The following PCDHA2 variants were observed in gnomAD, a reference collection of about 807,000 sequenced individuals.
PCDHA2 encodes the protein protocadherin alpha 2.
PCDHA2 carries 58 observed loss-of-function variants against 66.0 expected under a neutral mutation model. The ratio of observed to expected loss-of-function variants is 0.88; its 90% CI spans 0.71 to 1.09. The LOEUF is 1.09. Ranked by LOEUF, PCDHA2 falls within the 50% of genes least tolerant of loss-of-function variation. The pLI is 0.00. For synonymous variants in PCDHA2, 634 were observed against 554.0 expected (o/e 1.14, Z -2.03); for missense variants, 1,267 against 1,242.3 (o/e 1.02, Z -0.30).
chr5:140,836,843 ATAAT>A, intron 1 of PCDHA2: 1 of 826,772 alleles, frequency 1.2e-6, no homozygotes, highest in Non-Finnish European at 1.8e-6. Context: ...AGCTTTATGT[ATAAT>A]TATTATTTTT....
Position 140,840,718 on chromosome 5 carries a change from A to G in PCDHA2, c.2388+43366A>G, listed in dbSNP as rs2150309137. Among the ~76,000 whole-genome samples, 16 of 152,124 alleles carry G rather than the reference A, an allele frequency of 1.1e-4. 1 individual carries two copies. The South Asian group carries it at 3.3e-3, about 32-fold the overall frequency. On this transcript the variant is annotated intron_variant, in intron 1 of 3. Transcript: ENST00000526136. ...GTTCAGGCAATTTGACATTTATTGA[A>G]TAAAGAAAAGCAAAAATTTAACAAT...
chr5:140,953,601 C>T (rs1448878513), intron 1 of PCDHA2, among the ~76,000 whole-genome samples: 3 of 152,014 alleles, frequency 2.0e-5, no homozygotes, highest in Non-Finnish European at 4.4e-5. Flanking sequence ...TTGTTTATTC[C>T]CCAGAGTCCT....
chr5:140,913,384 C>G (rs1018271300), intron 1 of PCDHA2, among the ~76,000 whole-genome samples: 1 of 152,144 alleles, frequency 6.6e-6, no homozygotes, highest in Non-Finnish European at 1.5e-5. Flanking sequence ...AGTGGCTCAT[C>G]ATAGCCACTA....
In PCDHA2 at chr5:140,795,178, G is replaced by T. The variant is rs200571163; in HGVS notation, c.214G>T (p.Gly72Trp). Residue 72 changes from glycine to tryptophan, a missense_variant, in exon 1 of 4, where the codon GGG (glycine) becomes TGG (tryptophan). Transcript: ENST00000526136. ...RLFRVASKRHGDLLEVNLQNG... is the reference protein window; with the variant it reads ...RLFRVASKRHWDLLEVNLQNG... ...GTTCCGGGTGGCGTCCAAAAGACAC[G>T]GGGACCTTCTGGAGGTAAATCTGCA... The T allele has an allele frequency of 6.2e-7, 1 of 1,613,966 alleles. No individual in the cohort carries two copies.
rs549114768 is a variant in PCDHA2 at position 140,796,198 on chromosome 5, G to C, written c.1234G>C (p.Ala412Pro). ...KNYYSLVLDS[A>P]LDRESVSAYE... ...TTACTACTCGTTGGTGCTGGACAGCGCCCTGGACCGCGAGAGCGTGTCAGC... is the reference window on the plus strand; with the variant it reads ...TTACTACTCGTTGGTGCTGGACAGCCCCCTGGACCGCGAGAGCGTGTCAGC... The change falls in exon 1 of 4, where the codon GCC (alanine) becomes CCC (proline). Residue 412 changes from alanine to proline, a missense_variant. Physicochemically the swap from Ala to Pro is conservative, Grantham distance 27. Coordinates refer to ENST00000526136, the MANE Select transcript of PCDHA2 (RefSeq NM_018905.3). 1 of 1,614,184 alleles carries C rather than the reference G, an allele frequency of 6.2e-7. No homozygotes were observed. Among genetic ancestry groups the C allele is most frequent in the Admixed American group, 1.7e-5 (1 of 60,034 alleles).
At chr5:140,857,947 G>C in intron 1 of PCDHA2, 1 of 1,597,414 alleles carries the variant, frequency 6.3e-7, no homozygotes, top group Non-Finnish European at 8.6e-7. Flanking sequence ...TCAGTACGAC[G>C]CGCGCTCTGG....
At chr5:140,855,863 C>A in intron 1 of PCDHA2, 2 of 763,578 alleles carry the variant, frequency 2.6e-6, no homozygotes, top group Non-Finnish European at 4.1e-6. Flanking sequence ...ATGTCGCTGT[C>A]GTCCACAAAA....
chr5:140,933,372 C>T (rs1332069734), intron 1 of PCDHA2, among the ~76,000 whole-genome samples: 2 of 151,918 alleles, frequency 1.3e-5, no homozygotes, highest in African/African-American at 2.4e-5. Flanking sequence ...TCCCAAATTC[C>T]TTGGCTGTTC....
At chr5:140,966,654 T>G (rs1048894569) in intron 1 of PCDHA2, 2 of 1,185,100 alleles carry the variant, frequency 1.7e-6, no homozygotes, top group Non-Finnish European at 2.2e-6. Flanking sequence ...GCGTGAGCGG[T>G]GGGGGAGCAG....
intron 1 of PCDHA2, among the ~76,000 whole-genome samples, chr5:140,963,054 T>G (rs1554226381): frequency 6.6e-6 from 1 of 152,174 alleles, no homozygotes; most frequent in Non-Finnish European, 1.5e-5. Flanking sequence ...TATAAGGGTT[T>G]CTACATTGTG....
At chr5:140,860,741 A>ATT (rs1466220052) in intron 1 of PCDHA2, 6 of 152,018 alleles carry the variant, frequency 3.9e-5, no homozygotes, top group African/African-American at 1.4e-4. Context: ...TTTGTTTTTT[A>ATT]TTTTTTATTT....
intron 1 of PCDHA2, chr5:140,802,326 C>T: frequency 6.2e-7 from 1 of 1,614,230 alleles, no homozygotes; most frequent in Non-Finnish European, 8.5e-7. Context: ...CGTGTCCGAC[C>T]GCGACTCAGG....
chr5:140,883,377 C>T lies in PCDHA2; in HGVS notation c.2388+86025C>T, dbSNP rs1436655611. On this transcript the variant is annotated intron_variant, in intron 1 of 3. Coordinates refer to ENST00000526136, the MANE Select transcript of PCDHA2 (RefSeq NM_018905.3). ...GACACTCAGCCTAGCGCCATTATTG[C>T]CCTAATCAGTGTGTCCGATCGTGAC... The T allele has an allele frequency of 1.5e-5, 25 of 1,614,054 alleles. No individual in the cohort carries two copies. Among genetic ancestry groups the T allele is most frequent in the Non-Finnish European group, 2.0e-5 (24 of 1,180,036 alleles).
rs1029317869 is a variant in PCDHA2 at position 140,928,735 on chromosome 5, A to G, written c.2389-50214A>G. ...TAGTCTCTTTAGAATTTCAGCCAAT[A>G]TAGGTGAGCTCCGTACTGCTCGCTT... On this transcript the variant is annotated intron_variant, in intron 1 of 3. Coordinates refer to ENST00000526136, the MANE Select transcript of PCDHA2 (RefSeq NM_018905.3). 35 of 1,614,082 alleles carry G rather than the reference A, an allele frequency of 2.2e-5. No individual in the cohort carries two copies. The highest frequency in any genetic ancestry group is 2.9e-5 in the Non-Finnish European group (34 of 1,180,020).
intron 1 of PCDHA2, chr5:140,856,762 C>T: frequency 6.3e-7 from 1 of 1,596,712 alleles, no homozygotes; most frequent in Non-Finnish European, 8.6e-7. Context: ...ATGATAACGC[C>T]CCTATCTTTG....
At chr5:140,863,532 T>G (rs1554158313) in intron 1 of PCDHA2, 1 of 390,936 alleles carries the variant, frequency 2.6e-6, no homozygotes, top group Non-Finnish European at 5.0e-6. Context: ...GTTCAGATTT[T>G]GGAGATGGAC....
chr5:140,881,587 GAAAT>G (rs2058760366), intron 1 of PCDHA2, among the ~76,000 whole-genome samples: 1 of 152,186 alleles, frequency 6.6e-6, no homozygotes, highest in Non-Finnish European at 1.5e-5. Context: ...CACATTGAGG[GAAAT>G]TTATTAATAT....
At chr5:140,908,804 T>C (rs1157142483) in intron 1 of PCDHA2, among the ~76,000 whole-genome samples, 2 of 152,162 alleles carry the variant, frequency 1.3e-5, no homozygotes, top group African/African-American at 4.8e-5. Context: ...CATTAAAAAG[T>C]GAGAGCCTTT....
At chr5:140,827,119 C>G (rs1259268754) in intron 1 of PCDHA2, among the ~76,000 whole-genome samples, 3 of 151,928 alleles carry the variant, frequency 2.0e-5, no homozygotes, top group Non-Finnish European at 4.4e-5. Flanking sequence ...GTGAAAGTGA[C>G]AATTAGAAAC....
Sources: gnomAD v4.1 joint callset for allele counts (sites outside exome capture counted in the v4.1 genomes callset) on GRCh38, gnomAD v4.1.1 for gene constraint, MANE v1.5 for transcripts, NCBI Gene and HGNC (gene_info 2026-07-23, HGNC 2026-07-21) for gene names.